The following TJP1 variants were observed in gnomAD, a reference collection of about 807,000 sequenced individuals.
TJP1 encodes the protein tight junction protein ZO-1.
TJP1 carries 43 observed loss-of-function variants against 194.2 expected under a neutral mutation model. The ratio of observed to expected loss-of-function variants is 0.22; its 90% CI spans 0.17 to 0.29. The LOEUF (loss-of-function observed/expected upper bound fraction) is 0.29, where lower values mean the gene tolerates loss of function less well. TJP1 is among the 10% of genes least tolerant of loss of function. The pLI is 1.00. For synonymous variants in TJP1, 801 were observed against 779.0 expected, an observed-to-expected ratio of 1.03 and a Z score of -0.47; for missense variants, 1,971 against 2,185.7, an observed-to-expected ratio of 0.90 and a Z score of 1.96.
chr15:29,822,458 T>C lies in TJP1; in HGVS notation c.-430A>G. 1 of 985,134 alleles carries C rather than the reference T, an allele frequency of 1.0e-6. No individual in the cohort carries two copies. The highest frequency in any genetic ancestry group is 6.2e-5 in the Admixed American group (1 of 16,222). The allele number at this position is 985,134 out of a possible 1,614,324, so 61.0% of individuals were successfully genotyped here. A position where few individuals can be genotyped will look rare whatever the true frequency, so the allele number is the denominator to read the frequency against. ...CGCTGGCTCAGCCGGCGCCGGCAAC[T>C]CAGCGGCCACGCAAACCTGCCGGCC... On this transcript the variant is annotated 5_prime_UTR_variant, in exon 1 of 28. Transcript: ENST00000614355.
At chr15:29,731,467 T>A (rs1471593188) in intron 15 of TJP1, among the ~76,000 whole-genome samples, 2 of 152,190 alleles carry the variant, frequency 1.3e-5, no homozygotes, top group Non-Finnish European at 2.9e-5. Context: ...ATGGCACCTG[T>A]CAAAAGAGCA....
intron 24 of TJP1, among the ~76,000 whole-genome samples, chr15:29,709,386 C>T (rs931516032): frequency 2.0e-5 from 3 of 152,120 alleles, no homozygotes; most frequent in Non-Finnish European, 4.4e-5. Context: ...CAACAAAAAG[C>T]ATTAAATACT....
chr15:29,851,846 C>CG (rs1567134268), intron 2 of TJP1, among the ~76,000 whole-genome samples: 1 of 152,142 alleles, frequency 6.6e-6, no homozygotes, highest in East Asian at 1.9e-4. Context: ...ATGTCCAACT[C>CG]TTTTTTCATA....
Position 29,761,664 on chromosome 15 carries a change from T to C in TJP1, c.799A>G (p.Thr267Ala). The C allele has an allele frequency of 1.9e-6, 3 of 1,611,332 alleles. No homozygotes were observed. The highest frequency in any genetic ancestry group is 2.5e-6 in the Non-Finnish European group (3 of 1,177,756). ...KMVVQRDERATLLNVPDLSDS... is the reference protein window; with the variant it reads ...KMVVQRDERAALLNVPDLSDS... ...GAAAGATCAGGGACATTCAATAGCG[T>C]AGCCCGTTCATCTCTTTGAACTACC... The change falls in exon 7 of 28, where the codon ACG becomes GCG. Residue 267 changes from threonine (T) to alanine (A), a missense_variant. Physicochemically the swap from Thr to Ala is moderately conservative, Grantham distance 58 (BLOSUM62 0). Coordinates refer to ENST00000614355, the MANE Select transcript of TJP1 (RefSeq NM_001330239.4).
chr15:29,817,221 A>G (rs1479683906), intron 1 of TJP1, among the ~76,000 whole-genome samples: 1 of 152,232 alleles, frequency 6.6e-6, no homozygotes, highest in South Asian at 2.1e-4. Context: ...GCCAACAAAC[A>G]TATGAAAAAA....
At chr15:29,877,820 A>G (rs2052766316) in intron 2 of TJP1, among the ~76,000 whole-genome samples, 1 of 150,962 alleles carries the variant, frequency 6.6e-6, no homozygotes, top group Non-Finnish European at 1.5e-5. Flanking sequence ...GGCGCGTGCC[A>G]TCACGCCTGG....
At chr15:29,798,540 G>A (rs772750527) in intron 2 of TJP1, among the ~76,000 whole-genome samples, 1 of 152,088 alleles carries the variant, frequency 6.6e-6, no homozygotes, top group Non-Finnish European at 1.5e-5. Context: ...CCCATATCAA[G>A]TGCTGATGAG....
intron 2 of TJP1, among the ~76,000 whole-genome samples, chr15:29,899,103 C>G (rs772609982): frequency 6.6e-6 from 1 of 152,034 alleles, no homozygotes; most frequent in Non-Finnish European, 1.5e-5. Context: ...AGGTTAATCT[C>G]TATTATTTTG....
intron 2 of TJP1, among the ~76,000 whole-genome samples, chr15:29,948,577 C>T (rs1333787138): frequency 6.6e-6 from 1 of 152,162 alleles, no homozygotes; most frequent in African/African-American, 2.4e-5. Flanking sequence ...CAGAAAGAGA[C>T]ACTGCCCCTG....
intron 15 of TJP1, 102 bp from the exon 16 acceptor site, chr15:29,728,121 CTTTG>C (rs931263642): frequency 1.3e-5 from 12 of 920,512 alleles, no homozygotes; most frequent in African/African-American, 6.6e-5. Context: ...CTGGATAGTA[CTTTG>C]TTTGTGGAAA....
At chr15:29,825,277 GTCA>G (rs2050642587), upstream of TJP1, among the ~76,000 whole-genome samples, 1 of 152,180 alleles carries the variant, frequency 6.6e-6, no homozygotes, top group Admixed American at 6.5e-5. Context: ...ACACACGCAT[GTCA>G]TCATAGCTCC....
At chr15:29,844,846 A>T (rs1303629722) in intron 2 of TJP1, among the ~76,000 whole-genome samples, 2 of 152,214 alleles carry the variant, frequency 1.3e-5, no homozygotes, top group African/African-American at 4.8e-5. Flanking sequence ...ATTTGAAGCC[A>T]TGAGGAGGGG....
intron 27 of TJP1, 80 bp downstream of exon 27, chr15:29,704,082 G>A (rs1269441906): frequency 3.5e-6 from 5 of 1,424,636 alleles, no homozygotes; most frequent in Middle Eastern, 4.5e-4. Flanking sequence ...CTAACACACA[G>A]CATGGGCAGC....
chr15:29,910,389 T>A (rs1284976939), intron 2 of TJP1, among the ~76,000 whole-genome samples: 3 of 152,244 alleles, frequency 2.0e-5, no homozygotes, highest in African/African-American at 7.2e-5. Context: ...TCTGCCAAGG[T>A]GCTTAGCCTA....
At chr15:29,743,956 G>A (rs1358586119) in intron 8 of TJP1, among the ~76,000 whole-genome samples, 11 of 152,230 alleles carry the variant, frequency 7.2e-5, no homozygotes, top group Admixed American at 2.0e-4. Context: ...AGAGGCAGGC[G>A]GATCACGAGG....
At chr15:29,732,196 G>A in intron 15 of TJP1, 1 of 524,322 alleles carries the variant, frequency 1.9e-6, no homozygotes, top group East Asian at 3.3e-5. Context: ...GACATTGTAT[G>A]TTATGCAATT....
chr15:29,955,447 T>C (rs1215014394), intron 2 of TJP1, among the ~76,000 whole-genome samples: 1 of 152,086 alleles, frequency 6.6e-6, no homozygotes, highest in Non-Finnish European at 1.5e-5. Context: ...TGCATGAATT[T>C]ACCACATTTC....
intron 1 of TJP1, among the ~76,000 whole-genome samples, chr15:29,802,596 C>T (rs1403232128): frequency 6.6e-6 from 1 of 150,656 alleles, no homozygotes; most frequent in Non-Finnish European, 1.5e-5. Flanking sequence ...AAACATTGAC[C>T]GGGATAATGC....
intron 2 of TJP1, among the ~76,000 whole-genome samples, chr15:29,828,904 T>TTTTG (rs923396883): frequency 2.1e-4 from 32 of 152,068 alleles, no homozygotes; most frequent in African/African-American, 7.0e-4. Flanking sequence ...TGGCTAGGTT[T>TTTTG]TTTGTTTGTT....
Sources: gnomAD v4.1 joint callset for allele counts (sites outside exome capture counted in the v4.1 genomes callset) on GRCh38, gnomAD v4.1.1 for gene constraint, MANE v1.5 for transcripts, NCBI Gene and HGNC (gene_info 2026-07-23, HGNC 2026-07-21) for gene names.